The following PRKAG2 variants were observed in gnomAD, a reference collection of about 807,000 sequenced individuals.
The protein encoded by PRKAG2 is protein kinase AMP-activated non-catalytic subunit gamma 2, also known as 5'-AMP-activated protein kinase subunit gamma-2.
In PRKAG2, 26 loss-of-function variants were observed where a neutral mutation model predicts 69.6. The ratio of observed to expected loss-of-function variants is 0.37; its 90% CI spans 0.27 to 0.52. The LOEUF is 0.52. Among genes scored for constraint, PRKAG2 ranks in the 20% least tolerant of loss-of-function variants. The pLI, the probability that PRKAG2 is intolerant of heterozygous loss-of-function variation, is 0.90. For missense variants in PRKAG2, 557 were observed against 740.0 expected, an observed-to-expected ratio of 0.75 and a Z score of 2.87; for synonymous variants, 293 against 285.0, an observed-to-expected ratio of 1.03 and a Z score of -0.28.
At chr7:151,672,507 ACT>A (rs965451569) in intron 4 of PRKAG2, among the ~76,000 whole-genome samples, 3 of 150,870 alleles carry the variant, frequency 2.0e-5, no homozygotes, top group African/African-American at 7.3e-5. Context: ...CCAAACTGAA[ACT>A]CTGTCTCCGT....
In PRKAG2 at chr7:151,697,389, T is replaced by C. The variant is rs528288420; in HGVS notation, c.467-21752A>G. Among the ~76,000 whole-genome samples, 224 of 151,468 alleles carry C rather than the reference T, an allele frequency of 1.5e-3. 2 individuals are homozygous for C. Among genetic ancestry groups the C allele is most frequent in the African/African-American group, 4.8e-3 (198 of 41,256 alleles). The stretch of plus-strand genomic sequence containing the variant: ...CATCATTCCCCAGGGGTGTAGAGAG[T>C]GGGCCGAGCCCGGGAGCCCTCTGAG... On this transcript the variant is annotated intron_variant, in intron 3 of 15. Transcript: ENST00000287878.
intron 3 of PRKAG2, among the ~76,000 whole-genome samples, chr7:151,718,094 C>T (rs1221743153): frequency 6.6e-6 from 1 of 152,188 alleles, no homozygotes; most frequent in Non-Finnish European, 1.5e-5. Flanking sequence ...AGAGCAGACA[C>T]TATCTTAGTC....
At chr7:151,646,631 T>G (rs963261884) in intron 4 of PRKAG2, among the ~76,000 whole-genome samples, 3 of 152,236 alleles carry the variant, frequency 2.0e-5, no homozygotes, top group Non-Finnish European at 4.4e-5. Flanking sequence ...CCTCTTAAAT[T>G]ATTTTGCAAT....
chr7:151,572,553 A>G (rs1052416351), intron 9 of PRKAG2, 111 bp downstream of exon 9: 1 of 797,682 alleles, frequency 1.3e-6, no homozygotes, highest in African/African-American at 1.7e-5. Context: ...AATGTTTTAT[A>G]TAACATTTTA....
intron 3 of PRKAG2, among the ~76,000 whole-genome samples, chr7:151,714,876 G>T (rs979997336): frequency 6.6e-6 from 1 of 151,688 alleles, no homozygotes; most frequent in African/African-American, 2.4e-5. Context: ...CTTGAACCCA[G>T]GAGGTGGAGG....
At chr7:151,579,610 T>C (rs1419619208) in intron 6 of PRKAG2, among the ~76,000 whole-genome samples, 2 of 152,122 alleles carry the variant, frequency 1.3e-5, no homozygotes, top group African/African-American at 2.4e-5. Flanking sequence ...AGGCTATGCA[T>C]TGAGCATCAC....
chr7:151,858,254 C>T (rs1455862998), intron 1 of PRKAG2, among the ~76,000 whole-genome samples: 2 of 152,108 alleles, frequency 1.3e-5, no homozygotes, highest in African/African-American at 2.4e-5. Context: ...CTCCCTTACA[C>T]TCCCCTCTCC....
At chr7:151,791,755 C>T (rs527516645) in intron 1 of PRKAG2, among the ~76,000 whole-genome samples, 3 of 152,334 alleles carry the variant, frequency 2.0e-5, no homozygotes, top group African/African-American at 4.8e-5. Flanking sequence ...TCATCCATCT[C>T]GCTGCCTTAG....
intron 1 of PRKAG2, among the ~76,000 whole-genome samples, chr7:151,812,207 T>C (rs374412193): frequency 5.5e-4 from 83 of 152,118 alleles, no homozygotes; most frequent in African/African-American, 1.8e-3. Context: ...CCGACAAGAA[T>C]TGAACACAAT....
chr7:151,781,166 G>C lies in PRKAG2; in HGVS notation c.452C>G (p.Ser151Cys). The change falls in exon 3 of 16, where the codon TCC becomes TGC. Residue 151 changes from serine (S) to cysteine (C), a missense_variant. Physicochemically the swap from Ser to Cys is moderately radical, Grantham distance 112. This residue lies in a region of PRKAG2 where 352 missense variants were observed against 356.7 expected (regional missense o/e 0.99). Transcript: ENST00000287878. The surrounding 1 kb of genome is among the most constrained non-coding windows in gnomAD (Gnocchi z 6.1). ...CAAGGTCTTACTTTTTCTGGAGCGG[G>C]AGAAAAACCTGATGCCCCCGGGCGA... ...ATSPGGIRFF[S>C]RSRKTSGLSS... 6.2e-7 allele frequency: 1 copy of C among 1,613,954 alleles called. No homozygotes were observed. Among genetic ancestry groups the C allele is most frequent in the Non-Finnish European group, 8.5e-7 (1 of 1,180,036 alleles).
intron 4 of PRKAG2, among the ~76,000 whole-genome samples, chr7:151,661,226 C>A (rs1266447784): frequency 6.6e-6 from 1 of 152,176 alleles, no homozygotes; most frequent in Non-Finnish European, 1.5e-5. Context: ...TGCTCTGTCA[C>A]CCAGGCTGGA....
chr7:151,744,126 C>T (rs1245635415), intron 3 of PRKAG2, among the ~76,000 whole-genome samples: 3 of 152,220 alleles, frequency 2.0e-5, no homozygotes, highest in African/African-American at 7.2e-5. Context: ...CACCCTTCCA[C>T]AAGAGACACA....
intron 1 of PRKAG2, among the ~76,000 whole-genome samples, chr7:151,834,211 G>A (rs1297774054): frequency 6.6e-6 from 1 of 152,212 alleles, no homozygotes; most frequent in Non-Finnish European, 1.5e-5. Context: ...GTCAACTCAA[G>A]TCACAGAATT....
chr7:151,710,487 C>A (rs529518267), intron 3 of PRKAG2, among the ~76,000 whole-genome samples: 1 of 152,182 alleles, frequency 6.6e-6, no homozygotes, highest in Non-Finnish European at 1.5e-5. Context: ...CGAAGCTCTG[C>A]GGTGACCCCA....
At chr7:151,701,609 C>T (rs902901429) in intron 3 of PRKAG2, among the ~76,000 whole-genome samples, 21 of 152,074 alleles carry the variant, frequency 1.4e-4, no homozygotes, top group African/African-American at 4.3e-4. Context: ...TTTGGGAGGC[C>T]GAGACGGGCA....
intron 5 of PRKAG2, among the ~76,000 whole-genome samples, chr7:151,618,960 C>T (rs924659713): frequency 2.6e-5 from 4 of 151,832 alleles, no homozygotes; most frequent in South Asian, 2.1e-4. Flanking sequence ...AATGTGTACA[C>T]GGGCGAGAAA....
chr7:151,840,314 C>T (rs2079246166), intron 1 of PRKAG2, among the ~76,000 whole-genome samples: 1 of 152,126 alleles, frequency 6.6e-6, no homozygotes, highest in South Asian at 2.1e-4. Flanking sequence ...CCCCAGGCTG[C>T]CTGTGTAGAG....
chr7:151,568,950 AAC>A (rs1806901065), intron 10 of PRKAG2, 108 bp from the exon 11 acceptor site: 14 of 1,308,050 alleles, frequency 1.1e-5, no homozygotes, highest in East Asian at 2.4e-5. Flanking sequence ...TTGCAATAAT[AAC>A]AGTGTTTTGG....
At chr7:151,573,160 GTTT>G (rs770975155) in intron 8 of PRKAG2, among the ~76,000 whole-genome samples, 2 of 139,862 alleles carry the variant, frequency 1.4e-5, no homozygotes, top group Non-Finnish European at 1.6e-5. Flanking sequence ...TGTATCTCAA[GTTT>G]TTTTTTTTTT....
Sources: gnomAD v4.1 joint callset for allele counts (sites outside exome capture counted in the v4.1 genomes callset) on GRCh38, gnomAD v4.1.1 for gene constraint, gnomAD v4.1.1 regional missense constraint, Gnocchi (gnomAD v3.1) non-coding constraint, MANE v1.5 for transcripts, NCBI Gene and HGNC (gene_info 2026-07-23, HGNC 2026-07-21) for gene names.